The following GRIK2 variants were observed in gnomAD, a reference collection of about 807,000 sequenced individuals.
GRIK2 encodes glutamate ionotropic receptor kainate type subunit 2.
GRIK2 carries 32 observed loss-of-function variants against 100.3 expected under a neutral mutation model. The ratio of observed to expected loss-of-function variants is 0.32; its 90% CI spans 0.24 to 0.43. GRIK2 has a LOEUF of 0.43. GRIK2 is among the 20% of genes least tolerant of loss of function. GRIK2 has a pLI of 1.00. For missense variants in GRIK2, 843 were observed against 1,114.9 expected, an observed-to-expected ratio of 0.76 and a Z score of 3.47; for synonymous variants, 417 against 389.4, an observed-to-expected ratio of 1.07 and a Z score of -0.83.
chr6:101,723,368 T>G (rs72956325), intron 7 of GRIK2, among the ~76,000 whole-genome samples: 102 of 152,008 alleles, frequency 6.7e-4, no homozygotes, highest in Non-Finnish European at 1.1e-3. Context: ...AGTGGCAAAA[T>G]GACAAGTTTT....
intron 7 of GRIK2, among the ~76,000 whole-genome samples, chr6:101,737,573 T>C (rs748725525): frequency 5.6e-4 from 86 of 152,214 alleles, no homozygotes; most frequent in Non-Finnish European, 1.1e-3. Flanking sequence ...CCCCAATGAT[T>C]TGATGATCTC....
chr6:101,732,991 C>G (rs1775380174), intron 7 of GRIK2, among the ~76,000 whole-genome samples: 1 of 152,060 alleles, frequency 6.6e-6, no homozygotes, highest in Non-Finnish European at 1.5e-5. Flanking sequence ...TATAATAAAT[C>G]AAATGACTTT....
At chr6:101,576,094 T>G (rs972836055) in intron 2 of GRIK2, among the ~76,000 whole-genome samples, 1 of 152,066 alleles carries the variant, frequency 6.6e-6, no homozygotes, top group Non-Finnish European at 1.5e-5. Context: ...GATATTATGA[T>G]AGGATATTAT....
intron 6 of GRIK2, among the ~76,000 whole-genome samples, chr6:101,683,739 A>T (rs1562308246): frequency 6.6e-6 from 1 of 152,222 alleles, no homozygotes; most frequent in African/African-American, 2.4e-5. Flanking sequence ...ACTGTAAAAC[A>T]CTTTTAATTG....
intron 9 of GRIK2, among the ~76,000 whole-genome samples, chr6:101,806,966 T>C (rs1781044502): frequency 6.6e-6 from 1 of 151,866 alleles, no homozygotes; most frequent in South Asian, 2.1e-4. Context: ...CCTTTTCCAC[T>C]ACTATATATT....
intron 9 of GRIK2, among the ~76,000 whole-genome samples, chr6:101,806,682 T>C (rs989118309): frequency 1.9e-4 from 28 of 151,086 alleles, no homozygotes; most frequent in African/African-American, 6.6e-4. Context: ...CACTTTGGCA[T>C]AGAGTAATAG....
intron 14 of GRIK2, among the ~76,000 whole-genome samples, chr6:101,989,372 A>AT (rs1395115101): frequency 6.6e-6 from 1 of 151,734 alleles, no homozygotes; most frequent in Non-Finnish European, 1.5e-5. Context: ...TACGAAAGGT[A>AT]TTTATTAATT....
At chr6:101,989,647 C>G (rs1358424948) in intron 14 of GRIK2, among the ~76,000 whole-genome samples, 5 of 151,464 alleles carry the variant, frequency 3.3e-5, no homozygotes. Context: ...AACTCACAGA[C>G]CTTTATTTAT....
intron 7 of GRIK2, among the ~76,000 whole-genome samples, chr6:101,753,023 G>A (rs111756715): frequency 6.6e-6 from 1 of 152,072 alleles, no homozygotes; most frequent in East Asian, 1.9e-4. Context: ...GGCTGGGCGC[G>A]GTGGCTCACG....
chr6:101,547,725 G>C (rs2128291122), intron 2 of GRIK2, among the ~76,000 whole-genome samples: 1 of 151,990 alleles, frequency 6.6e-6, no homozygotes, highest in East Asian at 1.9e-4. Context: ...ATCATTGTTG[G>C]ACATTTGGGT....
intron 7 of GRIK2, among the ~76,000 whole-genome samples, chr6:101,691,058 T>G (rs754945893): frequency 5.3e-5 from 8 of 152,120 alleles, no homozygotes; most frequent in African/African-American, 9.7e-5. Context: ...TATACCTAGT[T>G]TAATGCCTGG....
chr6:101,439,055 A>G (rs1459620556), intron 2 of GRIK2, among the ~76,000 whole-genome samples: 1 of 152,182 alleles, frequency 6.6e-6, no homozygotes, highest in African/African-American at 2.4e-5. Context: ...AAAATAGGCT[A>G]CATAGATATC....
At chr6:101,673,512 C>T (rs558791835) in intron 4 of GRIK2, among the ~76,000 whole-genome samples, 38 of 152,182 alleles carry the variant, frequency 2.5e-4, no homozygotes, top group Admixed American at 4.6e-4. Flanking sequence ...CTTGCATCTA[C>T]AGCTGGGCTT....
chr6:101,966,888 T>TA (rs2128484536), intron 14 of GRIK2, among the ~76,000 whole-genome samples: 1 of 152,224 alleles, frequency 6.6e-6, no homozygotes, highest in African/African-American at 2.4e-5. Flanking sequence ...TTGTAGACAA[T>TA]AAAAATAAAC....
intron 2 of GRIK2, among the ~76,000 whole-genome samples, chr6:101,600,331 T>C (rs1226857109): frequency 6.6e-6 from 1 of 151,864 alleles, no homozygotes; most frequent in Non-Finnish European, 1.5e-5. Flanking sequence ...AGTCAGATAA[T>C]GTAATGCTCC....
intron 4 of GRIK2, among the ~76,000 whole-genome samples, chr6:101,667,394 G>A (rs1047058678): frequency 1.5e-4 from 23 of 152,162 alleles, no homozygotes; most frequent in Admixed American, 1.4e-3. Context: ...GAAAACAGAA[G>A]CAAAGGAAGT....
intron 7 of GRIK2, among the ~76,000 whole-genome samples, chr6:101,745,520 T>A (rs1325472162): frequency 1.3e-5 from 2 of 152,160 alleles, no homozygotes; most frequent in Non-Finnish European, 2.9e-5. Flanking sequence ...TGAGAAATAT[T>A]TTATATATAT....
intron 14 of GRIK2, among the ~76,000 whole-genome samples, chr6:101,981,589 AAGTT>A (rs1301167700): frequency 7.2e-5 from 11 of 152,064 alleles, no homozygotes; most frequent in East Asian, 1.9e-4. Flanking sequence ...GGAAAAAAGA[AAGTT>A]AGTACAACGA....
At chr6:101,724,445 A>T (rs1293256336) in intron 7 of GRIK2, among the ~76,000 whole-genome samples, 2 of 151,762 alleles carry the variant, frequency 1.3e-5, no homozygotes, top group African/African-American at 2.4e-5. Flanking sequence ...AACATGTGGT[A>T]CTCGGTTTTC....
Sources: allele counts gnomAD v4.1 joint callset (sites outside exome capture counted in the v4.1 genomes callset), GRCh38; gene constraint gnomAD v4.1.1; transcripts MANE v1.5; gene names NCBI Gene and HGNC (gene_info 2026-07-23, HGNC 2026-07-21).